Variants in CLVS1 observed in about 807,000 individuals in gnomAD.
CLVS1 encodes the protein clavesin-1.
In CLVS1, 10 loss-of-function variants were observed where a neutral mutation model predicts 33.1. That is an observed-to-expected ratio of 0.30 (90% CI 0.19 to 0.51). The LOEUF is 0.51. CLVS1 is among the 20% of genes least tolerant of loss of function. CLVS1 has a pLI of 0.97. For synonymous variants in CLVS1, 163 were observed against 166.1 expected (o/e 0.98, Z 0.14); for missense variants, 343 against 433.4 (o/e 0.79, Z 1.85).
At chr8:61,403,729 T>C (rs931759247) in intron 3 of CLVS1, among the ~76,000 whole-genome samples, 1 of 152,178 alleles carries the variant, frequency 6.6e-6, no homozygotes, top group Admixed American at 6.5e-5. Context: ...GATCAGGAGT[T>C]CAGTTTTGCA....
intron 3 of CLVS1, among the ~76,000 whole-genome samples, chr8:61,443,635 T>C (rs1302554413): frequency 6.6e-6 from 1 of 152,220 alleles, no homozygotes; most frequent in Admixed American, 6.5e-5. Context: ...CCAGTCTTGA[T>C]TGCTATAACT....
chr8:61,417,930 A>G (rs1815504424), intron 3 of CLVS1, among the ~76,000 whole-genome samples: 1 of 152,184 alleles, frequency 6.6e-6, no homozygotes, highest in South Asian at 2.1e-4. Context: ...CTTTCAGTCA[A>G]AATGTCTTAT....
chr8:61,417,424 C>T (rs946787590), intron 3 of CLVS1, among the ~76,000 whole-genome samples: 5 of 152,004 alleles, frequency 3.3e-5, no homozygotes, highest in Admixed American at 2.6e-4. Flanking sequence ...TTTAATTTTG[C>T]TCCACCTGTT....
At chr8:60,994,402 T>A in the CLVS1 span, among the ~76,000 whole-genome samples, 50 of 152,266 alleles carry the variant, frequency 3.3e-4, no homozygotes, top group African/African-American at 1.1e-3. Flanking sequence ...AACCAGAAAC[T>A]GTATGTTAAA....
chr8:61,235,877 T>C (rs934609454), intron 2 of CLVS1, among the ~76,000 whole-genome samples: 1 of 152,166 alleles, frequency 6.6e-6, no homozygotes, highest in Non-Finnish European at 1.5e-5. Flanking sequence ...GTGTTATTAG[T>C]CCTCATCTCC....
chr8:61,055,985 G>A (rs1450101965), upstream of CLVS1, among the ~76,000 whole-genome samples: 2 of 152,232 alleles, frequency 1.3e-5, no homozygotes, highest in African/African-American at 4.8e-5. Context: ...GTTGGCTGGG[G>A]GGAGAAAAGC....
At chr8:61,266,885 C>T (rs1468496219) in intron 2 of CLVS1, among the ~76,000 whole-genome samples, 1 of 152,150 alleles carries the variant, frequency 6.6e-6, no homozygotes, top group East Asian at 1.9e-4. Flanking sequence ...GGGATTCTAG[C>T]CAAAATATTG....
chr8:61,220,283 T>C (rs1365863304), intron 2 of CLVS1, among the ~76,000 whole-genome samples: 5 of 152,050 alleles, frequency 3.3e-5, no homozygotes, highest in South Asian at 4.2e-4. Flanking sequence ...AGGATTTTTA[T>C]GGCTTTGAGT....
chr8:61,366,678 G>T (rs1813224565), intron 2 of CLVS1, among the ~76,000 whole-genome samples: 1 of 152,186 alleles, frequency 6.6e-6, no homozygotes, highest in Admixed American at 6.5e-5. Flanking sequence ...CTATGTATAG[G>T]TACTGGTGAT....
intron 3 of CLVS1, among the ~76,000 whole-genome samples, chr8:61,388,762 C>A (rs1463347482): frequency 6.6e-6 from 1 of 152,060 alleles, no homozygotes; most frequent in African/African-American, 2.4e-5. Flanking sequence ...TTTGTCATTT[C>A]TTTGTGTTGG....
At chr8:61,412,545 C>G (rs2610519) in intron 3 of CLVS1, among the ~76,000 whole-genome samples, 3 of 151,972 alleles carry the variant, frequency 2.0e-5, no homozygotes, top group Non-Finnish European at 4.4e-5. Flanking sequence ...GGAGGCATTC[C>G]ATGGCATTCA....
chr8:61,355,309 A>G (rs1421357770), intron 2 of CLVS1, among the ~76,000 whole-genome samples: 1 of 151,986 alleles, frequency 6.6e-6, no homozygotes, highest in African/African-American at 2.4e-5. Context: ...TACACCATAA[A>G]TATATAAAAT....
chr8:61,446,198 T>C, intron 3 of CLVS1, among the ~76,000 whole-genome samples: 1 of 152,186 alleles, frequency 6.6e-6, no homozygotes, highest in South Asian at 2.1e-4. Flanking sequence ...ATGCTTACTT[T>C]GGCTTTATTT....
Position 61,288,076 on chromosome 8 carries a change from G to C in CLVS1, c.-214G>C. The C allele has an allele frequency of 4.4e-6, 2 of 456,172 alleles. No individual in the cohort carries two copies. Among genetic ancestry groups the C allele is most frequent in the Non-Finnish European group, 8.8e-6 (2 of 226,888 alleles). 28.3% of individuals were successfully genotyped at this position (456,172 alleles called of 1,614,324 possible). A position where few individuals can be genotyped will look rare whatever the true frequency, so the allele number is the denominator to read the frequency against. On this transcript the variant is annotated 5_prime_UTR_variant, in exon 1 of 6. Transcript: ENST00000325897. The stretch of plus-strand genomic sequence containing the variant: ...CAGAATAGGGGATCTCACCCACCCA[G>C]TTCAGCAGCGAGGACACCTGCAGAA...
the CLVS1 span, among the ~76,000 whole-genome samples, chr8:61,003,603 T>C: frequency 6.6e-6 from 1 of 152,238 alleles, no homozygotes; most frequent in African/African-American, 2.4e-5. Flanking sequence ...TGCCTTATGG[T>C]AGAATCCTGA....
chr8:60,973,504 T>C, the CLVS1 span, among the ~76,000 whole-genome samples: 1 of 152,170 alleles, frequency 6.6e-6, no homozygotes, highest in East Asian at 1.9e-4. Flanking sequence ...AGAATTCAAC[T>C]GAGGGGCATA....
intron 1 of CLVS1, among the ~76,000 whole-genome samples, chr8:61,298,493 A>G (rs1810301467): frequency 6.6e-6 from 1 of 152,170 alleles, no homozygotes; most frequent in Non-Finnish European, 1.5e-5. Flanking sequence ...AATATGTGAG[A>G]TGATTGTCTC....
intron 5 of CLVS1, among the ~76,000 whole-genome samples, chr8:61,473,424 G>A (rs957936981): frequency 1.3e-5 from 2 of 151,784 alleles, no homozygotes; most frequent in Non-Finnish European, 2.9e-5. Flanking sequence ...ATGCACAGGG[G>A]CCCACCGTGC....
intron 1 of CLVS1, among the ~76,000 whole-genome samples, chr8:61,110,728 C>T (rs1338323778): frequency 6.6e-6 from 1 of 152,168 alleles, no homozygotes. Context: ...CTGGCAACCA[C>T]CACTCTACCT....
Sources: allele counts gnomAD v4.1 joint callset (sites outside exome capture counted in the v4.1 genomes callset), GRCh38; gene constraint gnomAD v4.1.1; transcripts MANE v1.5; gene names NCBI Gene and HGNC (gene_info 2026-07-23, HGNC 2026-07-21).